Variants in PTGER4 observed in about 807,000 individuals in gnomAD.
PTGER4 encodes prostaglandin E2 receptor EP4 subtype.
Under a neutral mutation model 33.2 loss-of-function variants are expected in PTGER4, and 11 were observed. The observed-to-expected ratio is 0.33, with a 90% CI of 0.21 to 0.55. The LOEUF (loss-of-function observed/expected upper bound fraction) is 0.55, where lower values mean the gene tolerates loss of function less well. Ranked by LOEUF, PTGER4 falls within the 20% of genes least tolerant of loss-of-function variation. The probability of loss-of-function intolerance (pLI) is 0.92; values close to 1 mark genes in which losing one functional copy is unlikely to be tolerated. For synonymous variants in PTGER4, 275 were observed against 281.5 expected (o/e 0.98, Z 0.23); for missense variants, 481 against 650.2 (o/e 0.74, Z 2.83).
downstream of PTGER4, among the ~76,000 whole-genome samples, chr5:40,697,549 C>G (rs1482175162): frequency 7.3e-6 from 1 of 137,832 alleles, no homozygotes; most frequent in Non-Finnish European, 1.5e-5. Flanking sequence ...CATGCCATTG[C>G]ACTCTAGCCT....
Position 40,691,166 on chromosome 5 carries a change from G to C in PTGER4, c.868-613G>C, listed in dbSNP as rs576902061. ...CTCCTGAGTAGCTGGGATTATAGGC[G>C]TGTGCCGCCACACCTGGCTAATTTT... On this transcript the variant is annotated intron_variant, in intron 2 of 2. Coordinates refer to ENST00000302472, the MANE Select transcript of PTGER4 (RefSeq NM_000958.3). This position sits in a 1 kb window ranked among gnomAD's most constrained non-coding sequence, Gnocchi z 4.2. Among the ~76,000 whole-genome samples, 7 of 152,084 alleles carry C rather than the reference G, an allele frequency of 4.6e-5. No homozygotes were observed. Among genetic ancestry groups the C allele is most frequent in the Non-Finnish European group, 1.0e-4 (7 of 67,992 alleles).
chr5:40,732,759 C>T, the PTGER4 span, among the ~76,000 whole-genome samples: 1 of 152,086 alleles, frequency 6.6e-6, no homozygotes, highest in Non-Finnish European at 1.5e-5. Context: ...CAGGCACATG[C>T]CACCACACCT....
chr5:40,703,497 T>C, the PTGER4 span, among the ~76,000 whole-genome samples: 2 of 152,004 alleles, frequency 1.3e-5, no homozygotes, highest in Non-Finnish European at 2.9e-5. Context: ...GAATCAGTAA[T>C]AAATAGCCTG....
chr5:40,722,984 T>C, the PTGER4 span, among the ~76,000 whole-genome samples: 3 of 152,238 alleles, frequency 2.0e-5, no homozygotes, highest in African/African-American at 7.2e-5. Flanking sequence ...ATGGCGGTTT[T>C]GTCAAATAGA....
chr5:40,715,506 G>T, the PTGER4 span: 1 of 152,226 alleles, frequency 6.6e-6, no homozygotes, highest in African/African-American at 2.4e-5. Flanking sequence ...AATACTGAAG[G>T]AGACAACTAT....
Position 40,681,381 on chromosome 5 carries a change from T to C in PTGER4, c.388T>C (p.Tyr130His), listed in dbSNP as rs1307288554. ...AINHAYFYSHYVDKRLAGLTL... is the reference protein window; with the variant it reads ...AINHAYFYSHHVDKRLAGLTL... ...CAACCATGCCTATTTCTACAGCCAC[T>C]ACGTGGACAAGCGATTGGCGGGCCT... Residue 130 changes from tyrosine (Y) to histidine (H), a missense_variant, in exon 2 of 3, where the codon TAC becomes CAC. Coordinates refer to ENST00000302472, the MANE Select transcript of PTGER4 (RefSeq NM_000958.3). The surrounding 1 kb of genome is among the most constrained non-coding windows in gnomAD (Gnocchi z 9.8). 3.7e-6 allele frequency: 6 copies of C among 1,614,014 alleles called. No homozygotes were observed. In the African/African-American group the frequency reaches 8.0e-5, roughly 22 times the overall value.
In PTGER4 at chr5:40,681,094, G is replaced by A; in HGVS notation, c.101G>A (p.Gly34Asp). ...GTGATGTTCATCTTCGGGGTGGTGG[G>A]CAACCTGGTGGCCATCGTGGTGCTG... ...PAVMFIFGVVGNLVAIVVLCK... is the reference protein window; with the variant it reads ...PAVMFIFGVVDNLVAIVVLCK... The change falls in exon 2 of 3, where the codon GGC (glycine) becomes GAC (aspartate). Residue 34 changes from glycine (G) to aspartate (D), a missense_variant. Physicochemically the swap from Gly to Asp is moderately conservative, Grantham distance 94. Around this residue, in one of 7 missense-constraint regions of PTGER4, gnomAD observed 61 missense variants for 145.2 expected, o/e 0.42. Transcript: ENST00000302472. This position sits in a 1 kb window ranked among gnomAD's most constrained non-coding sequence, Gnocchi z 9.8. The A allele has an allele frequency of 6.2e-7, 1 of 1,614,094 alleles. No individual in the cohort carries two copies.
the PTGER4 span, among the ~76,000 whole-genome samples, chr5:40,705,159 G>C: frequency 6.6e-6 from 1 of 151,994 alleles, no homozygotes; most frequent in African/African-American, 2.4e-5. Flanking sequence ...AGACAGCCCA[G>C]AAATAAGGCC....
At chr5:40,703,551 T>C in the PTGER4 span, among the ~76,000 whole-genome samples, 1 of 152,068 alleles carries the variant, frequency 6.6e-6, no homozygotes, top group African/African-American at 2.4e-5. Context: ...ATAGCCGAAT[T>C]CTACCAGATA....
rs1053591208 is a variant in PTGER4, at chr5:40,683,044, C to G, written c.867+1184C>G. On this transcript the variant is annotated intron_variant, in intron 2 of 2. Transcript: ENST00000302472. The surrounding 1 kb of genome is among the most constrained non-coding windows in gnomAD (Gnocchi z 4.2). ...ATGCAATACTTTATCTAGAGTTTCTCTTGAAAGCAACTAGTTATGAGTTCT... is the reference window on the plus strand; with the variant it reads ...ATGCAATACTTTATCTAGAGTTTCTGTTGAAAGCAACTAGTTATGAGTTCT... 1.3e-5 allele frequency among the ~76,000 whole-genome samples: 2 copies of G among 152,216 alleles called. No individual in the cohort carries two copies. Among genetic ancestry groups the G allele is most frequent in the Non-Finnish European group, 2.9e-5 (2 of 68,024 alleles).
chr5:40,721,185 GA>G, the PTGER4 span, among the ~76,000 whole-genome samples: 4 of 152,170 alleles, frequency 2.6e-5, no homozygotes, highest in Non-Finnish European at 5.9e-5. Flanking sequence ...GTGGAGTACT[GA>G]TGGAATTTGG....
the PTGER4 span, among the ~76,000 whole-genome samples, chr5:40,742,075 G>T: frequency 6.6e-6 from 1 of 152,088 alleles, no homozygotes; most frequent in Non-Finnish European, 1.5e-5. Context: ...GTCCTATGCT[G>T]ACTACTGTCC....
chr5:40,694,719 T>C (rs1167257578), downstream of PTGER4, among the ~76,000 whole-genome samples: 1 of 152,194 alleles, frequency 6.6e-6, no homozygotes, highest in Non-Finnish European at 1.5e-5. Flanking sequence ...TCTCCAAATA[T>C]AGTCACAATG....
chr5:40,693,696 T>C lies in PTGER4; in HGVS notation c.*1318T>C, dbSNP rs532871984. ...GGTTTTAAGAAGCAGTTGTACCAAG[T>C]GAAATTATTTTGGAGATTATAATAA... On this transcript the variant is annotated 3_prime_UTR_variant, in exon 3 of 3. Coordinates refer to ENST00000302472, the MANE Select transcript of PTGER4 (RefSeq NM_000958.3). The C allele has an allele frequency of 1.2e-4, 118 of 980,464 alleles. No individual in the cohort carries two copies. In the South Asian group the frequency reaches 4.5e-3, roughly 38 times the overall value. 60.7% of individuals were successfully genotyped at this position (980,464 alleles called of 1,614,324 possible). A position where few individuals can be genotyped will look rare whatever the true frequency, so the allele number is the denominator to read the frequency against.
chr5:40,739,969 T>C, the PTGER4 span, among the ~76,000 whole-genome samples: 2 of 152,176 alleles, frequency 1.3e-5, no homozygotes, highest in East Asian at 1.9e-4. Flanking sequence ...CAGCTTCTAA[T>C]TGTTTTATTT....
the PTGER4 span, among the ~76,000 whole-genome samples, chr5:40,711,893 T>C: frequency 9.1e-4 from 138 of 152,170 alleles, 1 homozygote; most frequent in South Asian, 2.1e-3. Flanking sequence ...AGAAAAGTAG[T>C]TGACTAGGGA....
the PTGER4 span, chr5:40,746,739 G>T: frequency 2.4e-6 from 3 of 1,261,800 alleles, no homozygotes; most frequent in South Asian, 1.4e-5. Context: ...ATCCCATTAC[G>T]GACAGTGAGC....
chr5:40,730,195 A>G, the PTGER4 span: 1 of 1,231,342 alleles, frequency 8.1e-7, no homozygotes, highest in Non-Finnish European at 1.2e-6. Context: ...TTGCTTCATC[A>G]TTGCTCACTC....
chr5:40,704,571 GA>G, the PTGER4 span, among the ~76,000 whole-genome samples: 2 of 151,998 alleles, frequency 1.3e-5, no homozygotes, highest in African/African-American at 4.8e-5. Flanking sequence ...TCTATACCTA[GA>G]AAACCCCATA....
Sources: allele counts gnomAD v4.1 joint callset (sites outside exome capture counted in the v4.1 genomes callset), GRCh38; gene constraint gnomAD v4.1.1; regional missense constraint gnomAD v4.1.1; non-coding constraint Gnocchi (gnomAD v3.1); transcripts MANE v1.5; gene names NCBI Gene and HGNC (gene_info 2026-07-23, HGNC 2026-07-21).